Variants in SRRM4 observed in about 807,000 individuals in gnomAD.
SRRM4 encodes serine/arginine repetitive matrix protein 4.
SRRM4 carries 33 observed loss-of-function variants against 68.9 expected under a neutral mutation model. The observed-to-expected ratio is 0.48, with a 90% CI of 0.36 to 0.64. The LOEUF is 0.64. Ranked by LOEUF, SRRM4 falls within the 30% of genes least tolerant of loss-of-function variation. The pLI is 0.00. For synonymous variants in SRRM4, 318 were observed against 318.8 expected (o/e 1.00, Z 0.03); for missense variants, 817 against 827.1 (o/e 0.99, Z 0.15).
intron 2 of SRRM4, among the ~76,000 whole-genome samples, chr12:119,108,642 GTTT>G (rs1954122602): frequency 7.5e-6 from 1 of 133,374 alleles, no homozygotes; most frequent in Non-Finnish European, 1.6e-5. Context: ...TGCAACCCCT[GTTT>G]GTTTTTTTTT....
chr12:119,149,586 T>C (rs1954426267), intron 9 of SRRM4, among the ~76,000 whole-genome samples: 1 of 151,510 alleles, frequency 6.6e-6, no homozygotes, highest in South Asian at 2.1e-4. Flanking sequence ...GGGACGGGGG[T>C]GTCAAGGAAG....
chr12:119,027,400 G>A (rs1396365714), intron 1 of SRRM4, among the ~76,000 whole-genome samples: 1 of 152,208 alleles, frequency 6.6e-6, no homozygotes, highest in Non-Finnish European at 1.5e-5. Flanking sequence ...CTTCCTGAAA[G>A]GTCACGTCCC....
rs1954480830 is a variant in SRRM4, at chr12:119,157,354, T to G, written c.*556T>G. ...GGCCCAAGCAAAGGCTGGAAGACAT[T>G]TGGGTCCTAGAAGAAGGGATATCCT... On this transcript the variant is annotated 3_prime_UTR_variant, in exon 13 of 13. Coordinates refer to ENST00000267260, the MANE Select transcript of SRRM4 (RefSeq NM_194286.4). This position sits in a 1 kb window ranked among gnomAD's most constrained non-coding sequence, Gnocchi z 4.1. 3.3e-5 allele frequency: 5 copies of G among 153,696 alleles called. No individual in the cohort carries two copies. The South Asian group carries it at 1.0e-3, about 32-fold the overall frequency. The allele number at this position is 153,696 out of a possible 1,614,324, so 9.5% of individuals were successfully genotyped here.
intron 2 of SRRM4, 44 bp downstream of exon 2, chr12:119,102,426 A>C: frequency 6.5e-7 from 1 of 1,532,722 alleles, no homozygotes; most frequent in Non-Finnish European, 8.9e-7. Flanking sequence ...ACAGAAATAA[A>C]GTCTGCCTCT....
Position 119,035,152 on chromosome 12 carries a change from A to G in SRRM4, c.131+53139A>G, listed in dbSNP as rs1408989232. ...TAACCCTTGCATTTAAAAAAAATTG[A>G]CTTTTCTCCTCTTCAATTGGAATAT... On this transcript the variant is annotated intron_variant, in intron 1 of 12. Coordinates refer to ENST00000267260, the MANE Select transcript of SRRM4 (RefSeq NM_194286.4). Among the ~76,000 whole-genome samples, 6 of 152,208 alleles carry G rather than the reference A, an allele frequency of 3.9e-5. No homozygotes were observed. In the East Asian group the frequency reaches 9.6e-4, roughly 24 times the overall value.
chr12:119,002,178 A>G (rs1201012174), intron 1 of SRRM4, among the ~76,000 whole-genome samples: 1 of 152,052 alleles, frequency 6.6e-6, no homozygotes, highest in African/African-American at 2.4e-5. Flanking sequence ...GTTGCCTGCC[A>G]TGCCATTAGT....
At chr12:119,095,959 CA>C (rs34062118) in intron 1 of SRRM4, among the ~76,000 whole-genome samples, 43,178 of 105,704 alleles carry the variant, frequency 0.41, 8,011 homozygotes, top group African/African-American at 0.56. Context: ...GCCTCAGTCT[CA>C]AAAAAAAAAA....
chr12:118,984,736 G>A (rs996366756), intron 1 of SRRM4, among the ~76,000 whole-genome samples: 2 of 152,240 alleles, frequency 1.3e-5, no homozygotes, highest in Admixed American at 1.3e-4. Context: ...GGGCATACTT[G>A]ATGAGGCAAT....
At chr12:119,119,191 T>G (rs1488504145) in intron 4 of SRRM4, among the ~76,000 whole-genome samples, 7 of 151,906 alleles carry the variant, frequency 4.6e-5, no homozygotes, top group Non-Finnish European at 7.4e-5. Context: ...TGGCACACAT[T>G]ACATGTAGCA....
At position 119,107,213 on chromosome 12, in the gene SRRM4, G is replaced by A. The variant is rs554250026; in HGVS notation, c.278+4831G>A. Among the ~76,000 whole-genome samples, 7 of 152,180 alleles carry A rather than the reference G, an allele frequency of 4.6e-5. No homozygotes were observed. The South Asian group carries it at 1.4e-3, about 32-fold the overall frequency. The stretch of plus-strand genomic sequence containing the variant: ...GATGTGCTGCTGGATTTAAAATAAT[G>A]GTTTGCCAGAATTTTATTGAGGATT... On this transcript the variant is annotated intron_variant, in intron 2 of 12. Coordinates refer to ENST00000267260, the MANE Select transcript of SRRM4 (RefSeq NM_194286.4).
At chr12:119,116,892 C>T in intron 3 of SRRM4, 45 bp from the exon 4 acceptor site, 1 of 1,586,712 alleles carries the variant, frequency 6.3e-7, no homozygotes, top group Non-Finnish European at 8.6e-7. Flanking sequence ...CCAACCTTGG[C>T]CTTTAAGAGC....
intron 8 of SRRM4, among the ~76,000 whole-genome samples, chr12:119,144,028 C>T (rs1221006815): frequency 2.0e-5 from 3 of 152,088 alleles, no homozygotes; most frequent in Admixed American, 6.5e-5. Flanking sequence ...AGAAACCCCT[C>T]GCCATCCTGC....
At chr12:119,039,076 C>G (rs1953648535) in intron 1 of SRRM4, among the ~76,000 whole-genome samples, 1 of 152,214 alleles carries the variant, frequency 6.6e-6, no homozygotes, top group Non-Finnish European at 1.5e-5. Flanking sequence ...GGTTCAAACG[C>G]AACAAGCATC....
Position 119,160,939 on chromosome 12 carries a change from C to T in SRRM4, c.*4141C>T, listed in dbSNP as rs1592921911. The T allele has an allele frequency of 6.6e-6, 1 of 152,306 alleles. No individual in the cohort carries two copies. The highest frequency in any genetic ancestry group is 1.9e-4 in the East Asian group (1 of 5,188). The allele number at this position is 152,306 out of a possible 1,614,324, so 9.4% of individuals were successfully genotyped here. On this transcript the variant is annotated 3_prime_UTR_variant, in exon 13 of 13. Coordinates refer to ENST00000267260, the MANE Select transcript of SRRM4 (RefSeq NM_194286.4). ...TTTGATCATATTCCTATCTGCATTC[C>T]TTCCCTTCTTTGAAGGACAGCTGAT... is the stretch of plus-strand genomic sequence containing the variant.
chr12:119,042,176 G>T (rs896756471), intron 1 of SRRM4, among the ~76,000 whole-genome samples: 1 of 152,064 alleles, frequency 6.6e-6, no homozygotes, highest in Non-Finnish European at 1.5e-5. Context: ...CAGGTCAGTG[G>T]TCTTTTCATC....
At chr12:119,109,912 A>G (rs1258625063) in intron 2 of SRRM4, among the ~76,000 whole-genome samples, 1 of 152,160 alleles carries the variant, frequency 6.6e-6, no homozygotes, top group Non-Finnish European at 1.5e-5. Context: ...TCTGATTTTT[A>G]GAATTTTAGC....
chr12:119,080,782 C>A (rs1953943072), intron 1 of SRRM4, among the ~76,000 whole-genome samples: 1 of 152,220 alleles, frequency 6.6e-6, no homozygotes. Context: ...CACACAGCAA[C>A]AAAGGCTGTG....
intron 8 of SRRM4, among the ~76,000 whole-genome samples, chr12:119,134,109 T>C (rs1331673957): frequency 6.6e-6 from 1 of 152,144 alleles, no homozygotes; most frequent in African/African-American, 2.4e-5. Context: ...TTCTATGCCA[T>C]ATTTGGTTAC....
chr12:119,030,343 G>A (rs1191541957), intron 1 of SRRM4, among the ~76,000 whole-genome samples: 1 of 152,134 alleles, frequency 6.6e-6, no homozygotes, highest in Non-Finnish European at 1.5e-5. Flanking sequence ...ATATCACAGG[G>A]CACCTCTAAA....
Sources: gnomAD v4.1 joint callset for allele counts (sites outside exome capture counted in the v4.1 genomes callset) on GRCh38, gnomAD v4.1.1 for gene constraint, Gnocchi (gnomAD v3.1) non-coding constraint, MANE v1.5 for transcripts, NCBI Gene and HGNC (gene_info 2026-07-23, HGNC 2026-07-21) for gene names.